Variants in GLIS3 observed in about 807,000 individuals in gnomAD.
GLIS3 encodes zinc finger protein GLIS3.
In GLIS3, 53 loss-of-function variants were observed where a neutral mutation model predicts 78.6. The observed-to-expected ratio is 0.67, with a 90% confidence interval of 0.54 to 0.85. GLIS3 has a LOEUF of 0.85. GLIS3 is among the 40% of genes least tolerant of loss of function. The pLI is 0.00. For missense variants in GLIS3, 1,703 were observed against 1,231.1 expected (o/e 1.38, Z -5.74); for synonymous variants, 684 against 509.9 (o/e 1.34, Z -4.60).
intron 2 of GLIS3, among the ~76,000 whole-genome samples, chr9:4,324,661 C>G (rs928649480): frequency 2.2e-4 from 34 of 152,158 alleles, no homozygotes; most frequent in African/African-American, 7.7e-4. Context: ...AACACATAGT[C>G]CAGGATTCAA....
At chr9:4,342,446 T>C (rs527695757) in intron 2 of GLIS3, among the ~76,000 whole-genome samples, 1 of 152,336 alleles carries the variant, frequency 6.6e-6, no homozygotes, top group African/African-American at 2.4e-5. Flanking sequence ...TTCTGTTCCA[T>C]TGGTCTATGT....
At chr9:4,467,838 T>G in the GLIS3 span, among the ~76,000 whole-genome samples, 1 of 152,188 alleles carries the variant, frequency 6.6e-6, no homozygotes, top group East Asian at 1.9e-4. Flanking sequence ...AACAAACTTC[T>G]CCGAGCTAAA....
chr9:3,989,313 G>T (rs1434719769), intron 4 of GLIS3, among the ~76,000 whole-genome samples: 1 of 152,128 alleles, frequency 6.6e-6, no homozygotes, highest in Non-Finnish European at 1.5e-5. Context: ...ATGTAAAAAG[G>T]TACAGGCACT....
intron 9 of GLIS3, among the ~76,000 whole-genome samples, chr9:3,846,227 A>G (rs1229990969): frequency 6.6e-6 from 1 of 152,200 alleles, no homozygotes; most frequent in East Asian, 1.9e-4. Context: ...AGCAAAAGCA[A>G]TTCCCAAGTA....
chr9:4,485,876 C>G, the GLIS3 span, among the ~76,000 whole-genome samples: 1 of 152,118 alleles, frequency 6.6e-6, no homozygotes, highest in African/African-American at 2.4e-5. Flanking sequence ...TTCCTGCCAC[C>G]ATGCCCAGCT....
At chr9:4,205,036 C>T (rs182498662) in intron 2 of GLIS3, among the ~76,000 whole-genome samples, 5 of 151,976 alleles carry the variant, frequency 3.3e-5, no homozygotes, top group Non-Finnish European at 7.4e-5. Context: ...ATTAGCTGGG[C>T]GTGGTGGTTC....
At chr9:3,859,131 T>C (rs1819988857) in intron 8 of GLIS3, among the ~76,000 whole-genome samples, 1 of 152,128 alleles carries the variant, frequency 6.6e-6, no homozygotes, top group African/African-American at 2.4e-5. Context: ...ACAACTCTTC[T>C]CTCAGCAAGA....
intron 2 of GLIS3, among the ~76,000 whole-genome samples, chr9:4,126,887 C>G (rs978564986): frequency 6.6e-6 from 1 of 152,152 alleles, no homozygotes; most frequent in African/African-American, 2.4e-5. Flanking sequence ...TTAAGCTTTA[C>G]ATTGCAAATT....
chr9:4,207,666 T>G (rs778840918), intron 2 of GLIS3, among the ~76,000 whole-genome samples: 6 of 152,206 alleles, frequency 3.9e-5, no homozygotes, highest in Non-Finnish European at 7.3e-5. Context: ...GTACTCATTG[T>G]GCCTGCATCG....
chr9:4,157,494 G>A (rs780971666), intron 2 of GLIS3, among the ~76,000 whole-genome samples: 23 of 152,120 alleles, frequency 1.5e-4, no homozygotes, highest in Non-Finnish European at 2.4e-4. Flanking sequence ...AGAGGAAGGA[G>A]GAAGATGCAT....
At chr9:4,006,518 T>C (rs1357435283) in intron 4 of GLIS3, among the ~76,000 whole-genome samples, 1 of 152,066 alleles carries the variant, frequency 6.6e-6, no homozygotes, top group East Asian at 1.9e-4. Context: ...GATGGTTTGC[T>C]GGTGAGGGGT....
chr9:4,372,797 C>A, the GLIS3 span, among the ~76,000 whole-genome samples: 1 of 152,132 alleles, frequency 6.6e-6, no homozygotes, highest in African/African-American at 2.4e-5. Context: ...TTGAAGGAAT[C>A]TTGTGCTATT....
intron 6 of GLIS3, among the ~76,000 whole-genome samples, chr9:3,911,803 T>C (rs1824173046): frequency 6.6e-6 from 1 of 152,228 alleles, no homozygotes; most frequent in South Asian, 2.1e-4. Context: ...ACCTGATATA[T>C]AATCAATGTT....
intron 2 of GLIS3, among the ~76,000 whole-genome samples, chr9:4,206,603 T>C (rs1312158686): frequency 6.6e-6 from 1 of 152,134 alleles, no homozygotes; most frequent in East Asian, 1.9e-4. Flanking sequence ...CTTTATAATC[T>C]CTCCCAAAGC....
rs965515399 is a variant in GLIS3 at position 4,259,722 on chromosome 9, C to G, written c.388+26316G>C. 2.0e-5 allele frequency among the ~76,000 whole-genome samples: 3 copies of G among 152,146 alleles called. No homozygotes were observed. In the South Asian group the frequency reaches 6.2e-4, roughly 32 times the overall value. ...AGGACCTGTTCAAACTTGCTCTATT[C>G]ACAGATGGGGTGGGGTGGGCAGCAC... is the stretch of plus-strand genomic sequence containing the variant. On this transcript the variant is annotated intron_variant, in intron 2 of 10. Transcript: ENST00000381971.
chr9:4,376,078 C>A, the GLIS3 span, among the ~76,000 whole-genome samples: 4 of 152,052 alleles, frequency 2.6e-5, no homozygotes, highest in Non-Finnish European at 5.9e-5. Flanking sequence ...AAATATAAAG[C>A]CTTATGATCG....
intron 2 of GLIS3, among the ~76,000 whole-genome samples, chr9:4,186,896 C>A (rs997044284): frequency 1.3e-5 from 2 of 152,104 alleles, no homozygotes; most frequent in African/African-American, 4.8e-5. Flanking sequence ...TGGATATTAG[C>A]CCTATGTCAG....
intron 5 of GLIS3, among the ~76,000 whole-genome samples, chr9:3,933,378 T>C (rs1825730239): frequency 6.6e-6 from 1 of 152,136 alleles, no homozygotes; most frequent in Admixed American, 6.6e-5. Flanking sequence ...TAGTACATAA[T>C]AGAAATGAAT....
chr9:3,835,494 G>A (rs1156275845), intron 9 of GLIS3, among the ~76,000 whole-genome samples: 1 of 152,220 alleles, frequency 6.6e-6, no homozygotes, highest in East Asian at 1.9e-4. Flanking sequence ...GATGCAGACT[G>A]TATCAATTCA....
Sources: gnomAD v4.1 joint callset for allele counts (sites outside exome capture counted in the v4.1 genomes callset) on GRCh38, gnomAD v4.1.1 for gene constraint, MANE v1.5 for transcripts, NCBI Gene and HGNC (gene_info 2026-07-23, HGNC 2026-07-21) for gene names.